Variants in ADGRB3 observed in about 807,000 individuals in gnomAD.
ADGRB3 encodes the protein adhesion G protein-coupled receptor B3.
ADGRB3 carries 37 observed loss-of-function variants against 193.4 expected under a neutral mutation model. The ratio of observed to expected loss-of-function variants is 0.19; its 90% CI spans 0.15 to 0.25. ADGRB3 has a LOEUF of 0.25. ADGRB3 is among the 10% of genes least tolerant of loss of function. The pLI, the probability that ADGRB3 is intolerant of heterozygous loss-of-function variation, is 1.00. For missense variants in ADGRB3, 1,637 were observed against 1,852.9 expected (o/e 0.88, Z 2.14); for synonymous variants, 690 against 644.2 (o/e 1.07, Z -1.08).
At chr6:69,016,428 C>G (rs765747022) in intron 12 of ADGRB3, among the ~76,000 whole-genome samples, 1 of 151,904 alleles carries the variant, frequency 6.6e-6, no homozygotes, top group African/African-American at 2.4e-5. Context: ...TCAAGGTAAA[C>G]GGTAACTAGT....
intron 10 of ADGRB3, among the ~76,000 whole-genome samples, chr6:68,991,132 C>A (rs1769226079): frequency 6.6e-6 from 1 of 152,052 alleles, no homozygotes. Context: ...TTGTCTCATG[C>A]TATTTGTTAC....
chr6:68,645,848 A>AT (rs1768198085), intron 3 of ADGRB3, among the ~76,000 whole-genome samples: 1 of 151,552 alleles, frequency 6.6e-6, no homozygotes, highest in South Asian at 2.1e-4. Context: ...AATTTTTTGT[A>AT]TTTTTAGTAG....
At chr6:69,137,423 C>T (rs1216307858) in intron 17 of ADGRB3, among the ~76,000 whole-genome samples, 3 of 151,530 alleles carry the variant, frequency 2.0e-5, no homozygotes, top group Admixed American at 1.3e-4. Context: ...AAATCAAACA[C>T]ACACACGCAA....
At chr6:69,291,835 C>T (rs1027983166) in intron 20 of ADGRB3, among the ~76,000 whole-genome samples, 3 of 152,130 alleles carry the variant, frequency 2.0e-5, no homozygotes, top group African/African-American at 7.2e-5. Context: ...ACCTTCTCCC[C>T]ACTCTTCTTC....
chr6:68,861,377 C>T (rs6936651), intron 3 of ADGRB3, among the ~76,000 whole-genome samples: 45,554 of 151,784 alleles, frequency 0.3, 7,410 homozygotes, highest in Middle Eastern at 0.52. Context: ...ACTGAGACCA[C>T]GGTGAAACCC....
chr6:68,895,904 C>T (rs551365333), intron 3 of ADGRB3, among the ~76,000 whole-genome samples: 41 of 151,646 alleles, frequency 2.7e-4, no homozygotes, highest in Non-Finnish European at 3.2e-4. Context: ...CTGTTAAAAA[C>T]AAAATTTATG....
chr6:69,257,670 A>T (rs1277287915), intron 20 of ADGRB3, among the ~76,000 whole-genome samples: 1 of 152,222 alleles, frequency 6.6e-6, no homozygotes, highest in African/African-American at 2.4e-5. Flanking sequence ...AAAAAAGTTA[A>T]TTATTTTGCA....
In ADGRB3 at chr6:69,324,961, G is replaced by A. The variant is rs1224665502; in HGVS notation, c.2904G>A (p.Met968Ile). 3 of 1,613,746 alleles carry A rather than the reference G, an allele frequency of 1.9e-6. No individual in the cohort carries two copies. Among genetic ancestry groups the A allele is most frequent in the Non-Finnish European group, 2.5e-6 (3 of 1,179,874 alleles). Reference sequence around the variant, plus strand: ...TGACTGAGGCGTGGCAATCATATATGGCTGTAACTGGAAAAATTAGGACAC... The same window carrying A: ...TGACTGAGGCGTGGCAATCATATATAGCTGTAACTGGAAAAATTAGGACAC... Reference protein sequence around the residue: ...WVLTEAWQSYMAVTGKIRTRL... With the variant: ...WVLTEAWQSYIAVTGKIRTRL... The change falls in exon 21 of 32, where the codon ATG becomes ATA. Residue 968 changes from methionine (M) to isoleucine (I), a missense_variant. Transcript: ENST00000370598.
chr6:68,873,556 G>A (rs1048215862), intron 3 of ADGRB3, among the ~76,000 whole-genome samples: 1 of 152,102 alleles, frequency 6.6e-6, no homozygotes, highest in African/African-American at 2.4e-5. Context: ...ATTAAAAATG[G>A]TGAGTAAAGA....
chr6:69,214,268 G>GTCAGC (rs1057372645), intron 17 of ADGRB3, among the ~76,000 whole-genome samples: 14 of 152,154 alleles, frequency 9.2e-5, no homozygotes, highest in African/African-American at 3.4e-4. Context: ...TCAGCTGGGT[G>GTCAGC]TGGTGCTACC....
intron 20 of ADGRB3, among the ~76,000 whole-genome samples, chr6:69,258,215 G>T (rs1033503300): frequency 6.6e-6 from 1 of 152,156 alleles, no homozygotes; most frequent in South Asian, 2.1e-4. Context: ...AATTCCTAGA[G>T]ATTAGAGGAA....
intron 3 of ADGRB3, among the ~76,000 whole-genome samples, chr6:68,897,502 G>GAGAA (rs1766257259): frequency 1.4e-5 from 1 of 72,976 alleles, no homozygotes; most frequent in Non-Finnish European, 2.8e-5. Flanking sequence ...AGGGAGGGAA[G>GAGAA]AGGAAGGAAG....
chr6:68,813,671 G>C (rs1767565220), intron 3 of ADGRB3, among the ~76,000 whole-genome samples: 1 of 151,612 alleles, frequency 6.6e-6, no homozygotes, highest in East Asian at 1.9e-4. Context: ...TTGTCATTTA[G>C]CATTAGGTAT....
rs11458724 is a variant in ADGRB3, at chr6:68,858,592, CAAA to C, written c.758-71950_758-71948del. ...TGAGTGACAGAGTGAGACCCTGACTCAAAAAAAAAAAAAAAAAAACACAGCATA... is the reference window on the plus strand; with the variant it reads ...TGAGTGACAGAGTGAGACCCTGACTCAAAAAAAAAAAAAAAACACAGCATA... On this transcript the variant is annotated intron_variant, in intron 3 of 31. Transcript: ENST00000370598. Among the ~76,000 whole-genome samples, 278 of 93,416 alleles carry C rather than the reference CAAA, an allele frequency of 3.0e-3. 1 individual carries two copies. The highest frequency in any genetic ancestry group is 4.2e-3 in the Non-Finnish European group (212 of 50,152). 61.3% of individuals were successfully genotyped at this position (93,416 alleles called of 152,430 possible). A position where few individuals can be genotyped will look rare whatever the true frequency, so the allele number is the denominator to read the frequency against.
intron 3 of ADGRB3, among the ~76,000 whole-genome samples, chr6:68,863,000 A>G (rs953732359): frequency 6.6e-6 from 1 of 152,116 alleles, no homozygotes; most frequent in African/African-American, 2.4e-5. Context: ...AATGCTATTC[A>G]CAGCTATGAT....
chr6:69,221,576 T>C (rs1257607113), intron 17 of ADGRB3, among the ~76,000 whole-genome samples: 2 of 152,128 alleles, frequency 1.3e-5, no homozygotes, highest in African/African-American at 4.8e-5. Flanking sequence ...TAACATCTTA[T>C]TGTTTTATAG....
chr6:68,848,452 C>A (rs1283390880), intron 3 of ADGRB3, among the ~76,000 whole-genome samples: 2 of 151,966 alleles, frequency 1.3e-5, no homozygotes, highest in African/African-American at 2.4e-5. Flanking sequence ...TTAAAATGAG[C>A]TTTTAATTAA....
chr6:69,363,314 C>A lies in ADGRB3; in HGVS notation c.4239+1802C>A, dbSNP rs188969741. On this transcript the variant is annotated intron_variant, in intron 29 of 31. Transcript: ENST00000370598. ...GAAAATTTGGTTCTTCATTTTCATT[C>A]TTTAAATGAATTTAATAGTAATTGC... 2.8e-3 allele frequency among the ~76,000 whole-genome samples: 431 copies of A among 152,022 alleles called. 1 individual carries two copies. Among genetic ancestry groups the A allele is most frequent in the Middle Eastern group, 6.8e-3 (2 of 294 alleles).
At chr6:68,897,347 G>T (rs983086421) in intron 3 of ADGRB3, among the ~76,000 whole-genome samples, 1 of 144,546 alleles carries the variant, frequency 6.9e-6, no homozygotes, top group Non-Finnish European at 1.5e-5. Flanking sequence ...GGCAACAGAG[G>T]TTATTTCGTC....
Sources: gnomAD v4.1 joint callset for allele counts (sites outside exome capture counted in the v4.1 genomes callset) on GRCh38, gnomAD v4.1.1 for gene constraint, MANE v1.5 for transcripts, NCBI Gene and HGNC (gene_info 2026-07-23, HGNC 2026-07-21) for gene names.